Variants in CMSS1 observed in about 807,000 individuals in gnomAD.
CMSS1 encodes the protein protein CMSS1.
A neutral mutation model predicts 43.5 loss-of-function variants in CMSS1; 33 were observed. The observed-to-expected ratio is 0.76, with a 90% CI of 0.57 to 1.01. The LOEUF is 1.01. CMSS1 is among the 50% of genes least tolerant of loss of function. The pLI is 0.00. For synonymous variants in CMSS1, 115 were observed against 117.2 expected, an observed-to-expected ratio of 0.98 and a Z score of 0.12; for missense variants, 313 against 326.4, an observed-to-expected ratio of 0.96 and a Z score of 0.32.
intron 1 of CMSS1, among the ~76,000 whole-genome samples, chr3:99,952,829 G>C (rs1216268869): frequency 6.6e-6 from 1 of 152,170 alleles, no homozygotes; most frequent in Non-Finnish European, 1.5e-5. Context: ...ATTTGAATTA[G>C]TTAAGGATAA....
At chr3:100,080,278 C>G (rs188315708) in intron 1 of CMSS1, among the ~76,000 whole-genome samples, 1 of 151,990 alleles carries the variant, frequency 6.6e-6, no homozygotes, top group Admixed American at 6.6e-5. Context: ...CCACTGCACC[C>G]GGCCATCATT....
chr3:99,861,847 G>A (rs1347222421), intron 1 of CMSS1, among the ~76,000 whole-genome samples: 3 of 152,128 alleles, frequency 2.0e-5, no homozygotes, highest in East Asian at 1.9e-4. Context: ...GCTGAATCCC[G>A]GCTTTCCAAC....
At chr3:100,093,357 T>C (rs982352141) in intron 1 of CMSS1, among the ~76,000 whole-genome samples, 3 of 152,200 alleles carry the variant, frequency 2.0e-5, no homozygotes, top group Admixed American at 1.3e-4. Context: ...GTCACTGATA[T>C]ACTACCACCT....
In CMSS1 at chr3:100,072,522, T is replaced by C. The variant is rs547444858; in HGVS notation, c.65-74451T>C. ...GAGGCATTTGCAGTGGTGCAATATC[T>C]TGCATTACTTTGTAAAGTTGTGACA... On this transcript the variant is annotated intron_variant, in intron 1 of 9. Transcript: ENST00000421999. 5.3e-5 allele frequency among the ~76,000 whole-genome samples: 8 copies of C among 152,328 alleles called. No homozygotes were observed. In the South Asian group the frequency reaches 1.0e-3, roughly 20 times the overall value.
At chr3:99,924,273 TCTC>T in intron 1 of CMSS1, 1 of 1,614,070 alleles carries the variant, frequency 6.2e-7, no homozygotes. Context: ...TCATCACTCT[TCTC>T]CATGTATTCT....
intron 1 of CMSS1, among the ~76,000 whole-genome samples, chr3:100,010,570 A>G (rs532180332): frequency 5.9e-5 from 9 of 151,474 alleles, no homozygotes; most frequent in African/African-American, 2.2e-4. Context: ...GTTTCTATAC[A>G]TGTTGGCTAA....
chr3:100,178,358 G>A lies in CMSS1; in HGVS notation c.810G>A (p.Lys270=). Reference sequence around the variant, plus strand: ...AAATGGGAGTGCTCAGTCTGTGCAAGTCAGAATCCTTGAAACTGGGCCTTT... The same window carrying A: ...AAATGGGAGTGCTCAGTCTGTGCAAATCAGAATCCTTGAAACTGGGCCTTT... ...LLEMGVLSLC[K]SESLKLGLF is the part of the protein sequence containing the mutation. The change falls in exon 10 of 10, where the codon AAG becomes AAA. Residue 270 remains lysine (K), a synonymous_variant. Transcript: ENST00000421999. 1 of 1,613,234 alleles carries A rather than the reference G, an allele frequency of 6.2e-7. No individual in the cohort carries two copies. Among genetic ancestry groups the A allele is most frequent in the Non-Finnish European group, 8.5e-7 (1 of 1,179,302 alleles).
At chr3:100,172,022 A>C in intron 7 of CMSS1, 123 bp downstream of exon 7, 1 of 789,438 alleles carries the variant, frequency 1.3e-6, no homozygotes, top group Non-Finnish European at 2.1e-6. Flanking sequence ...GTAACATTTA[A>C]CAACTTTTCT....
chr3:100,011,067 C>T (rs1710141261), intron 1 of CMSS1, among the ~76,000 whole-genome samples: 1 of 152,034 alleles, frequency 6.6e-6, no homozygotes, highest in Non-Finnish European at 1.5e-5. Flanking sequence ...GGTACCAGGG[C>T]TTGTGGTCTG....
intron 1 of CMSS1, among the ~76,000 whole-genome samples, chr3:100,136,967 A>G (rs553594130): frequency 6.6e-6 from 1 of 152,376 alleles, no homozygotes; most frequent in African/African-American, 2.4e-5. Context: ...TAGGCTGCTC[A>G]CTGCCTTTTC....
At chr3:99,961,329 AC>A (rs1708483752) in intron 1 of CMSS1, among the ~76,000 whole-genome samples, 1 of 151,918 alleles carries the variant, frequency 6.6e-6, no homozygotes, top group South Asian at 2.1e-4. Flanking sequence ...TATTTTTTTA[AC>A]CCCAATACTC....
chr3:99,912,130 C>T lies in CMSS1; in HGVS notation c.64+94087C>T, dbSNP rs370996439. On this transcript the variant is annotated intron_variant, in intron 1 of 9. Transcript: ENST00000421999. The stretch of plus-strand genomic sequence containing the variant: ...CATTTAAATCAATCAAGTTATACAT[C>T]CATACTGACCTTTTTGGTTTTATTC... Among the ~76,000 whole-genome samples, 54 of 152,274 alleles carry T rather than the reference C, an allele frequency of 3.5e-4. 2 individuals carry two copies. The South Asian group carries it at 7.1e-3, about 20-fold the overall frequency.
At chr3:99,882,849 C>A (rs1215887949) in intron 1 of CMSS1, among the ~76,000 whole-genome samples, 2 of 152,126 alleles carry the variant, frequency 1.3e-5, no homozygotes, top group African/African-American at 4.8e-5. Flanking sequence ...GAAATGTTTT[C>A]TTTTGTTGCA....
intron 1 of CMSS1, among the ~76,000 whole-genome samples, chr3:99,860,902 C>T (rs1284565259): frequency 6.6e-6 from 1 of 152,142 alleles, no homozygotes; most frequent in Non-Finnish European, 1.5e-5. Context: ...CCTCTCCTAT[C>T]ACTCTTTTAA....
chr3:100,000,440 A>C (rs749738990), intron 1 of CMSS1, among the ~76,000 whole-genome samples: 10 of 152,216 alleles, frequency 6.6e-5, no homozygotes, highest in African/African-American at 1.4e-4. Flanking sequence ...CTGTAGATCT[A>C]GTAATATGTG....
intron 1 of CMSS1, among the ~76,000 whole-genome samples, chr3:99,878,502 T>C (rs1307895654): frequency 6.6e-6 from 1 of 152,226 alleles, no homozygotes; most frequent in African/African-American, 2.4e-5. Flanking sequence ...ATAAATAGTC[T>C]TGTCTTCTCC....
rs1032923856 is a variant in CMSS1, at chr3:99,974,551, A to G, written c.64+156508A>G. 2.0e-5 allele frequency among the ~76,000 whole-genome samples: 3 copies of G among 152,144 alleles called. No individual in the cohort carries two copies. The East Asian group carries it at 5.8e-4, about 29-fold the overall frequency. ...ATGGAGAAACCCCGTCTCTACTAAA[A>G]ATACAAAATTAGCCGGGTGGTGGTG... On this transcript the variant is annotated intron_variant, in intron 1 of 9. Transcript: ENST00000421999.
In CMSS1 at chr3:100,091,870, T is replaced by C. The variant is rs530664357; in HGVS notation, c.65-55103T>C. On this transcript the variant is annotated intron_variant, in intron 1 of 9. Transcript: ENST00000421999. ...CGATTCCACGTTGGGCCTGAGTAAA[T>C]ATTAATTGAAACTGTAAAGGCAGTA... is the stretch of plus-strand genomic sequence containing the variant. 6.6e-5 allele frequency among the ~76,000 whole-genome samples: 10 copies of C among 152,312 alleles called. No homozygotes were observed. In the East Asian group the frequency reaches 1.9e-3, roughly 29 times the overall value.
chr3:100,174,034 T>G (rs1046610655), intron 8 of CMSS1, among the ~76,000 whole-genome samples: 6 of 152,238 alleles, frequency 3.9e-5, no homozygotes, highest in Non-Finnish European at 8.8e-5. Context: ...AGTTATTTAT[T>G]AAAGAGACCA....
Sources: gnomAD v4.1 joint callset for allele counts (sites outside exome capture counted in the v4.1 genomes callset) on GRCh38, gnomAD v4.1.1 for gene constraint, MANE v1.5 for transcripts, NCBI Gene and HGNC (gene_info 2026-07-23, HGNC 2026-07-21) for gene names.